The following LRRC17 variants were observed in gnomAD, a reference collection of about 807,000 sequenced individuals.
LRRC17 encodes the protein leucine-rich repeat-containing protein 17.
LRRC17 carries 33 observed loss-of-function variants against 41.5 expected under a neutral mutation model. The observed-to-expected ratio is 0.80, with a 90% CI of 0.60 to 1.06. LRRC17 has a LOEUF of 1.06. LRRC17 is among the 50% of genes least tolerant of loss of function. The pLI is 0.00. For synonymous variants in LRRC17, 192 were observed against 197.0 expected (o/e 0.97, Z 0.21); for missense variants, 491 against 519.3 (o/e 0.95, Z 0.53).
chr7:102,920,983 C>T (rs890971319), intron 1 of LRRC17, among the ~76,000 whole-genome samples: 57 of 151,958 alleles, frequency 3.8e-4, no homozygotes, highest in Admixed American at 1.6e-3. Context: ...GAAACCCTGT[C>T]GCTACTAAAA....
intron 1 of LRRC17, among the ~76,000 whole-genome samples, chr7:102,923,757 G>A (rs1227634296): frequency 2.6e-5 from 4 of 151,884 alleles, no homozygotes; most frequent in African/African-American, 4.8e-5. Flanking sequence ...CCTGGGAGGC[G>A]GAGGTTGTAG....
Position 102,942,833 on chromosome 7 carries a change from C to T in LRRC17, c.929-1377C>T, listed in dbSNP as rs1052818741. Among the ~76,000 whole-genome samples, 6 of 151,960 alleles carry T rather than the reference C, an allele frequency of 3.9e-5. No homozygotes were observed. In the East Asian group the frequency reaches 5.8e-4, roughly 15 times the overall value. On this transcript the variant is annotated intron_variant, in intron 3 of 3. Coordinates refer to ENST00000339431, the MANE Select transcript of LRRC17 (RefSeq NM_001031692.3). The stretch of plus-strand genomic sequence containing the variant: ...ATATTTTCCTAATTCAAAATAAGGA[C>T]GCTATGCTCTACAAGAGTATTTTAA...
chr7:102,929,634 A>C (rs936043668), intron 1 of LRRC17, among the ~76,000 whole-genome samples: 1 of 143,256 alleles, frequency 7.0e-6, no homozygotes, highest in African/African-American at 2.6e-5. Context: ...ACTGCACTCC[A>C]GCCTGGGCAA....
chr7:102,929,555 T>C (rs891754173), intron 1 of LRRC17, among the ~76,000 whole-genome samples: 5 of 150,576 alleles, frequency 3.3e-5, no homozygotes, highest in Non-Finnish European at 7.4e-5. Flanking sequence ...TCCCAGCTAA[T>C]TGGGTGGCTG....
Position 102,925,802 on chromosome 7 carries a change from G to A in LRRC17, c.-140-7972G>A, listed in dbSNP as rs143354492. 2.8e-3 allele frequency among the ~76,000 whole-genome samples: 430 copies of A among 152,102 alleles called. 3 individuals carry two copies. The highest frequency in any genetic ancestry group is 0.01 in the Middle Eastern group (3 of 294). ...ACTAAAAATACAAAAATAGCCAGGCGTGGTGGTGGGCACCTGTAATCCCAA... is the reference window on the plus strand; with the variant it reads ...ACTAAAAATACAAAAATAGCCAGGCATGGTGGTGGGCACCTGTAATCCCAA... On this transcript the variant is annotated intron_variant, in intron 1 of 3. Coordinates refer to ENST00000339431, the MANE Select transcript of LRRC17 (RefSeq NM_001031692.3).
Position 102,944,758 on chromosome 7 carries a change from T to C in LRRC17, c.*151T>C, listed in dbSNP as rs927497542. On this transcript the variant is annotated 3_prime_UTR_variant, in exon 4 of 4. Transcript: ENST00000339431. ...TTAATTATAAGTATTATTGTGACTA[T>C]TATAGTAATCAAGAGAATGCTATCA... is the stretch of plus-strand genomic sequence containing the variant. The C allele has an allele frequency of 7.4e-6, 5 of 679,202 alleles. No homozygotes were observed. The highest frequency in any genetic ancestry group is 4.7e-6 in the Non-Finnish European group (2 of 423,856). 42.1% of individuals were successfully genotyped at this position (679,202 alleles called of 1,614,324 possible). A position where few individuals can be genotyped will look rare whatever the true frequency, so the allele number is the denominator to read the frequency against.
At chr7:102,921,164 A>C (rs1451569732) in intron 1 of LRRC17, among the ~76,000 whole-genome samples, 1 of 152,120 alleles carries the variant, frequency 6.6e-6, no homozygotes, top group East Asian at 1.9e-4. Flanking sequence ...AACAAAGCGA[A>C]TTCAAGGCAA....
intron 1 of LRRC17, chr7:102,932,014 A>G (rs1025503374): frequency 2.3e-5 from 30 of 1,283,968 alleles, no homozygotes; most frequent in Non-Finnish European, 3.1e-5. Context: ...ATTGAATGCA[A>G]TGTATTCATT....
In LRRC17 at chr7:102,934,048, C is replaced by A; in HGVS notation, c.135C>A (p.Val45=). The change falls in exon 2 of 4, where the codon GTC becomes GTA. Residue 45 remains valine, a synonymous_variant. Transcript: ENST00000339431. ...GAGGCCGGAGAGGCTCCAACCCGGT[C>A]AAACGCTACGCACCAGGCCTCCCGT... ...AGGGRRGSNP[V]KRYAPGLPCD... 1.9e-6 allele frequency: 3 copies of A among 1,614,032 alleles called. No individual in the cohort carries two copies. The South Asian group carries it at 3.3e-5, about 18-fold the overall frequency.
chr7:102,917,445 G>T (rs1816127422), intron 1 of LRRC17, among the ~76,000 whole-genome samples: 1 of 152,166 alleles, frequency 6.6e-6, no homozygotes, highest in Admixed American at 6.6e-5. Flanking sequence ...TCAATACATG[G>T]TGAACAAGTG....
chr7:102,931,555 T>C (rs1041893920), intron 1 of LRRC17, among the ~76,000 whole-genome samples: 4 of 152,186 alleles, frequency 2.6e-5, no homozygotes, highest in African/African-American at 9.6e-5. Context: ...TTGATAGCCA[T>C]GAAGATAAAA....
At position 102,934,025 on chromosome 7, in the gene LRRC17, G is replaced by C. The variant is rs371111044; in HGVS notation, c.112G>C (p.Gly38Arg). Reference protein sequence around the residue: ...SRVNHGRAGGGRRGSNPVKRY... With the variant: ...SRVNHGRAGGRRRGSNPVKRY... ...AGTGAATCATGGCCGGGCGGGTGGA[G>C]GCCGGAGAGGCTCCAACCCGGTCAA... The change falls in exon 2 of 4, where the codon GGC (glycine) becomes CGC (arginine). Residue 38 changes from glycine (G) to arginine (R), a missense_variant. Transcript: ENST00000339431. 4 of 1,614,076 alleles carry C rather than the reference G, an allele frequency of 2.5e-6. No individual in the cohort carries two copies. Among genetic ancestry groups the C allele is most frequent in the Non-Finnish European group, 3.4e-6 (4 of 1,179,946 alleles).
At position 102,934,244 on chromosome 7, in the gene LRRC17, G is replaced by T; in HGVS notation, c.331G>T (p.Asp111Tyr). The T allele has an allele frequency of 6.2e-7, 1 of 1,614,200 alleles. No homozygotes were observed. The highest frequency in any genetic ancestry group is 2.2e-5 in the East Asian group (1 of 44,884). The change falls in exon 2 of 4, where the codon GAT becomes TAT. Residue 111 changes from aspartate to tyrosine, a missense_variant. Asp to Tyr is a radical substitution (Grantham distance 160, BLOSUM62 -3). Coordinates refer to ENST00000339431, the MANE Select transcript of LRRC17 (RefSeq NM_001031692.3). ...CAAGTTTAAAAAGCTGAAAAGCCTG[G>T]ATCTGCAGCAGAATGAGATCTCTAA... ...FSKFKKLKSL[D>Y]LQQNEISKIE...
chr7:102,935,613 C>T (rs1211736160), intron 2 of LRRC17, among the ~76,000 whole-genome samples: 1 of 152,168 alleles, frequency 6.6e-6, no homozygotes, highest in Non-Finnish European at 1.5e-5. Context: ...AAGATAAAGT[C>T]ATGAGCTAAG....
Position 102,934,053 on chromosome 7 carries a change from G to C in LRRC17, c.140G>C (p.Arg47Pro). ...GGRRGSNPVKRYAPGLPCDVY... is the reference protein window; with the variant it reads ...GGRRGSNPVKPYAPGLPCDVY... ...CGGAGAGGCTCCAACCCGGTCAAACGCTACGCACCAGGCCTCCCGTGTGAC... is the reference window on the plus strand; with the variant it reads ...CGGAGAGGCTCCAACCCGGTCAAACCCTACGCACCAGGCCTCCCGTGTGAC... The change falls in exon 2 of 4, where the codon CGC (arginine) becomes CCC (proline). Residue 47 changes from arginine (R) to proline (P), a missense_variant. Physicochemically the swap from Arg to Pro is moderately radical, Grantham distance 103. Transcript: ENST00000339431. 1 of 1,614,126 alleles carries C rather than the reference G, an allele frequency of 6.2e-7. No individual in the cohort carries two copies. The highest frequency in any genetic ancestry group is 8.5e-7 in the Non-Finnish European group (1 of 1,179,984).
At chr7:102,919,111 A>G (rs1816489066) in intron 1 of LRRC17, among the ~76,000 whole-genome samples, 1 of 152,198 alleles carries the variant, frequency 6.6e-6, no homozygotes, top group Non-Finnish European at 1.5e-5. Context: ...TCCCAACTCC[A>G]CATTCAATGA....
At chr7:102,937,947 G>A (rs1334627743) in intron 2 of LRRC17, among the ~76,000 whole-genome samples, 2 of 152,206 alleles carry the variant, frequency 1.3e-5, no homozygotes, top group East Asian at 1.9e-4. Flanking sequence ...GAGTCAGATG[G>A]TGTGTATAGG....
intron 1 of LRRC17, 105 bp downstream of exon 1, chr7:102,913,250 A>C: frequency 1.9e-6 from 3 of 1,612,152 alleles, no homozygotes; most frequent in Non-Finnish European, 2.5e-6. Flanking sequence ...AAAGTATTAT[A>C]CTTCCGTTGT....
Position 102,944,422 on chromosome 7 carries a change from C to T in LRRC17, c.1141C>T (p.Pro381Ser), listed in dbSNP as rs755051372. The change falls in exon 4 of 4, where the codon CCT becomes TCT. Residue 381 changes from proline to serine, a missense_variant. Physicochemically the swap from Pro to Ser is moderately conservative, Grantham distance 74. Coordinates refer to ENST00000339431, the MANE Select transcript of LRRC17 (RefSeq NM_001031692.3). The part of the protein sequence containing the change: ...VHFNGLECKT[P>S]EEYKGWSVGK... ...TTTTAATGGCCTGGAATGCAAAACG[C>T]CTGAAGAATACAAAGGATGGTCTGT... 2 of 1,613,804 alleles carry T rather than the reference C, an allele frequency of 1.2e-6. No individual in the cohort carries two copies. The highest frequency in any genetic ancestry group is 8.5e-7 in the Non-Finnish European group (1 of 1,179,926).
Sources: gnomAD v4.1 joint callset for allele counts (sites outside exome capture counted in the v4.1 genomes callset) on GRCh38, gnomAD v4.1.1 for gene constraint, MANE v1.5 for transcripts, NCBI Gene and HGNC (gene_info 2026-07-23, HGNC 2026-07-21) for gene names.